KCNQ5: variants seen among roughly 807,000 people sequenced by gnomAD.
The protein encoded by KCNQ5 is potassium voltage-gated channel subfamily KQT member 5.
A neutral mutation model predicts 98.2 loss-of-function variants in KCNQ5; 30 were observed. The observed-to-expected ratio is 0.31, with a 90% CI of 0.23 to 0.41. The LOEUF (loss-of-function observed/expected upper bound fraction) is 0.41. KCNQ5 is among the 10% of genes least tolerant of loss of function. The probability of loss-of-function intolerance (pLI) is 1.00; values close to 1 mark genes in which losing one functional copy is unlikely to be tolerated. For synonymous variants in KCNQ5, 458 were observed against 449.4 expected (o/e 1.02, Z -0.24); for missense variants, 835 against 1,182.5 (o/e 0.71, Z 4.31).
At chr6:73,044,264 G>A (rs1771854053) in intron 3 of KCNQ5, among the ~76,000 whole-genome samples, 1 of 152,176 alleles carries the variant, frequency 6.6e-6, no homozygotes, top group Non-Finnish European at 1.5e-5. Flanking sequence ...TGAGTAAAAA[G>A]AGTAAGACCC....
chr6:72,917,800 C>T (rs553730342), intron 1 of KCNQ5, among the ~76,000 whole-genome samples: 4 of 152,094 alleles, frequency 2.6e-5, no homozygotes, highest in Admixed American at 2.6e-4. Context: ...TGTGTTTTGC[C>T]CTGGGAAGGA....
At chr6:72,732,130 G>C (rs1013159389) in intron 1 of KCNQ5, among the ~76,000 whole-genome samples, 1 of 152,112 alleles carries the variant, frequency 6.6e-6, no homozygotes, top group Non-Finnish European at 1.5e-5. Context: ...GTTGGTACAG[G>C]GGTCACAAAG....
rs532217205 is a variant in KCNQ5, at chr6:73,174,958, T to C, written c.1577+5104T>C. Among the ~76,000 whole-genome samples, 6 of 152,328 alleles carry C rather than the reference T, an allele frequency of 3.9e-5. No homozygotes were observed. The East Asian group carries it at 1.2e-3, about 29-fold the overall frequency. ...TGCTCTGGGTCAGTCTTTTCCTTTC[T>C]GAGCTCCACCCGCTTCCATGATGAG... On this transcript the variant is annotated intron_variant, in intron 11 of 13. Transcript: ENST00000370398.
intron 1 of KCNQ5, among the ~76,000 whole-genome samples, chr6:72,978,936 T>C (rs1768291792): frequency 6.6e-6 from 1 of 152,234 alleles, no homozygotes; most frequent in Non-Finnish European, 1.5e-5. Flanking sequence ...TGTTTGGTTT[T>C]CTGTCCTTGT....
chr6:72,957,770 G>A (rs1317675578), intron 1 of KCNQ5, among the ~76,000 whole-genome samples: 1 of 152,090 alleles, frequency 6.6e-6, no homozygotes, highest in Admixed American at 6.5e-5. Context: ...ATTATTCATG[G>A]ACTGAATTTA....
At chr6:73,131,987 A>C (rs1283236703) in intron 9 of KCNQ5, among the ~76,000 whole-genome samples, 1 of 152,228 alleles carries the variant, frequency 6.6e-6, no homozygotes, top group African/African-American at 2.4e-5. Context: ...CCACCAGTTC[A>C]TGATTTGATT....
At chr6:72,736,905 T>C (rs1467184723) in intron 1 of KCNQ5, among the ~76,000 whole-genome samples, 6 of 152,206 alleles carry the variant, frequency 3.9e-5, no homozygotes, top group Non-Finnish European at 8.8e-5. Flanking sequence ...ACAGTAAACA[T>C]ATTTGTAATA....
rs191403695 is a variant in KCNQ5 at position 72,921,988 on chromosome 6, A to C, written c.399-81920A>C. 1.5e-3 allele frequency among the ~76,000 whole-genome samples: 225 copies of C among 152,312 alleles called. 4 individuals carry two copies. The highest frequency in any genetic ancestry group is 0.015 in the Admixed American group (225 of 15,298). ...TACAGTTAATGAATGTTCCTCCAAA[A>C]AAGGTTGTGGGTGGGAGAGAACAGA... On this transcript the variant is annotated intron_variant, in intron 1 of 13. Coordinates refer to ENST00000370398, the MANE Select transcript of KCNQ5 (RefSeq NM_019842.4).
chr6:72,987,848 G>T, intron 1 of KCNQ5: 1 of 363,224 alleles, frequency 2.8e-6, no homozygotes, highest in South Asian at 3.2e-5. Context: ...ATCAGATCTT[G>T]GTGATGACCT....
At chr6:72,628,270 G>T (rs12175428) in intron 1 of KCNQ5, among the ~76,000 whole-genome samples, 1 of 152,050 alleles carries the variant, frequency 6.6e-6, no homozygotes, top group African/African-American at 2.4e-5. Context: ...TCATTTAAAA[G>T]AAAAAAGATA....
chr6:72,746,064 C>CAAAAAAAAAAAAA (rs59726566), intron 1 of KCNQ5, among the ~76,000 whole-genome samples: 4 of 80,148 alleles, frequency 5.0e-5, no homozygotes, highest in African/African-American at 1.4e-4. Flanking sequence ...ACTCTATTTG[C>CAAAAAAAAAAAAA]AAAAAAAAAA....
chr6:72,691,174 G>T (rs1296355839), intron 1 of KCNQ5, among the ~76,000 whole-genome samples: 1 of 152,126 alleles, frequency 6.6e-6, no homozygotes, highest in Non-Finnish European at 1.5e-5. Flanking sequence ...ACTTATCTTT[G>T]TTTGCATTAG....
At chr6:72,904,059 A>G (rs1037231854) in intron 1 of KCNQ5, among the ~76,000 whole-genome samples, 4 of 152,186 alleles carry the variant, frequency 2.6e-5, no homozygotes, top group Non-Finnish European at 4.4e-5. Context: ...TTTCTGTTGG[A>G]CAAGGCCTTT....
rs1582431991 is a variant in KCNQ5 at position 73,140,477 on chromosome 6, G to A, written c.1468+6836G>A. On this transcript the variant is annotated intron_variant, in intron 10 of 13. Transcript: ENST00000370398. ...ATAATGACTCTGCATTGTGTTGACA[G>A]AAATAATTCTTGTTAAAGCAGTATC... is the stretch of plus-strand genomic sequence containing the variant. Among the ~76,000 whole-genome samples the A allele has an allele frequency of 2.0e-5, 3 of 152,198 alleles. No homozygotes were observed. The East Asian group carries it at 5.8e-4, about 29-fold the overall frequency.
chr6:72,866,051 T>G (rs1386144824), intron 1 of KCNQ5, among the ~76,000 whole-genome samples: 1 of 152,172 alleles, frequency 6.6e-6, no homozygotes, highest in Non-Finnish European at 1.5e-5. Context: ...ATAGCTGTTA[T>G]TAAACCCATT....
chr6:72,926,691 G>C (rs1765435954), intron 1 of KCNQ5, among the ~76,000 whole-genome samples: 1 of 152,084 alleles, frequency 6.6e-6, no homozygotes, highest in Non-Finnish European at 1.5e-5. Context: ...CTGAAAATCT[G>C]TTCAATTAGT....
chr6:73,134,131 A>G, intron 10 of KCNQ5: 1 of 368,466 alleles, frequency 2.7e-6, no homozygotes, highest in East Asian at 7.3e-5. Context: ...ACCACTGCTT[A>G]TCTTCCTTAG....
intron 2 of KCNQ5, among the ~76,000 whole-genome samples, chr6:73,008,549 CAACAAG>C (rs1769919937): frequency 6.6e-6 from 1 of 151,028 alleles, no homozygotes; most frequent in South Asian, 2.1e-4. Flanking sequence ...AGGTTTAATA[CAACAAG>C]AAGATGTAAT....
chr6:72,931,749 C>G (rs1423344848), intron 1 of KCNQ5, among the ~76,000 whole-genome samples: 1 of 152,204 alleles, frequency 6.6e-6, no homozygotes, highest in East Asian at 1.9e-4. Context: ...ACCCAGGGCC[C>G]CTTCCCAACT....
Sources: gnomAD v4.1 joint callset for allele counts (sites outside exome capture counted in the v4.1 genomes callset) on GRCh38, gnomAD v4.1.1 for gene constraint, MANE v1.5 for transcripts, NCBI Gene and HGNC (gene_info 2026-07-23, HGNC 2026-07-21) for gene names.